Variants in KLRD1 observed in about 807,000 individuals in gnomAD.
KLRD1 encodes the protein killer cell lectin like receptor D1.
In KLRD1, 21 loss-of-function variants were observed where a neutral mutation model predicts 22.6. The observed-to-expected ratio is 0.93, with a 90% CI of 0.66 to 1.34. The LOEUF is 1.34. Among genes scored for constraint, KLRD1 ranks in the 40% most tolerant of loss-of-function variants. The probability of loss-of-function intolerance (pLI) is 0.00; values close to 1 mark genes in which losing one functional copy is unlikely to be tolerated. For missense variants in KLRD1, 183 were observed against 208.6 expected (o/e 0.88, Z 0.76); for synonymous variants, 59 against 71.1 (o/e 0.83, Z 0.85).
intron 1 of KLRD1, among the ~76,000 whole-genome samples, chr12:10,259,278 C>T (rs1050803960): frequency 1.3e-5 from 2 of 152,144 alleles, no homozygotes; most frequent in East Asian, 1.9e-4. Context: ...TACTCCATCA[C>T]ATTATTGTTG....
chr12:10,295,329 C>T (rs906228211), intron 1 of KLRD1, among the ~76,000 whole-genome samples: 2 of 151,902 alleles, frequency 1.3e-5, no homozygotes, highest in Non-Finnish European at 2.9e-5. Context: ...TTGTCTCTGT[C>T]TCCCTTGTGA....
intron 1 of KLRD1, among the ~76,000 whole-genome samples, chr12:10,294,027 C>T (rs1349598779): frequency 2.6e-5 from 4 of 152,206 alleles, no homozygotes; most frequent in African/African-American, 9.7e-5. Context: ...GATTCTGCCT[C>T]TCCTACTTAA....
intron 1 of KLRD1, among the ~76,000 whole-genome samples, chr12:10,262,537 C>T (rs904093000): frequency 5.9e-5 from 9 of 152,066 alleles, no homozygotes; most frequent in Non-Finnish European, 1.3e-4. Context: ...TTACCTAATA[C>T]ATATTTACAT....
chr12:10,256,595 A>G (rs1277317513), intron 1 of KLRD1, among the ~76,000 whole-genome samples: 1 of 151,820 alleles, frequency 6.6e-6, no homozygotes, highest in Non-Finnish European at 1.5e-5. Context: ...CTCTACTCCT[A>G]CACAGCTCCA....
intron 1 of KLRD1, among the ~76,000 whole-genome samples, chr12:10,279,307 G>T (rs559402958): frequency 1.3e-5 from 2 of 152,122 alleles, no homozygotes; most frequent in Non-Finnish European, 2.9e-5. Flanking sequence ...CATCCATGTT[G>T]CTGCAAAAGA....
At chr12:10,309,971 A>C (rs1459952394) in intron 3 of KLRD1, among the ~76,000 whole-genome samples, 1 of 152,240 alleles carries the variant, frequency 6.6e-6, no homozygotes. Flanking sequence ...AAAATAAACC[A>C]CAGGAAATGT....
intron 1 of KLRD1, among the ~76,000 whole-genome samples, chr12:10,283,411 T>A (rs1949665766): frequency 6.6e-6 from 1 of 152,214 alleles, no homozygotes; most frequent in East Asian, 1.9e-4. Context: ...GTTTTAGTAA[T>A]GCAAAATGAG....
At chr12:10,307,862 TG>T (rs1949958678), upstream of KLRD1, 1 of 538,358 alleles carries the variant, frequency 1.9e-6, no homozygotes, top group Admixed American at 3.2e-5. Context: ...GTGATTCTAC[TG>T]CTTCTTATTC....
At chr12:10,240,251 G>A (rs1949228258) in intron 1 of KLRD1, among the ~76,000 whole-genome samples, 1 of 151,964 alleles carries the variant, frequency 6.6e-6, no homozygotes, top group Admixed American at 6.6e-5. Context: ...TGTAGACACA[G>A]GGTTTTGCCA....
At chr12:10,295,469 A>C (rs1372861549) in intron 1 of KLRD1, among the ~76,000 whole-genome samples, 1 of 151,686 alleles carries the variant, frequency 6.6e-6, no homozygotes, top group Non-Finnish European at 1.5e-5. Flanking sequence ...GAGAGTAGAG[A>C]GAAGTCAATA....
chr12:10,312,041 C>A (rs1488790391), intron 4 of KLRD1, among the ~76,000 whole-genome samples: 1 of 135,062 alleles, frequency 7.4e-6, no homozygotes, highest in East Asian at 2.1e-4. Context: ...GTACCCAATT[C>A]TTTTCTTTTC....
chr12:10,257,517 A>G, intron 1 of KLRD1, among the ~76,000 whole-genome samples: 1 of 97,152 alleles, frequency 1.0e-5, no homozygotes, highest in East Asian at 3.2e-4. Flanking sequence ...GTAACAGTAT[A>G]TTTTTCAGTT....
chr12:10,284,648 A>G (rs759147725), intron 1 of KLRD1, among the ~76,000 whole-genome samples: 14 of 152,228 alleles, frequency 9.2e-5, no homozygotes, highest in Non-Finnish European at 1.8e-4. Flanking sequence ...AAAAACTAAT[A>G]AATTTTAAAG....
chr12:10,252,508 AAAC>A (rs1949354933), intron 1 of KLRD1, among the ~76,000 whole-genome samples: 1 of 152,056 alleles, frequency 6.6e-6, no homozygotes, highest in South Asian at 2.1e-4. Context: ...TGTCTCCAAA[AAAC>A]AAACAAACAA....
chr12:10,256,910 A>AT (rs949150124), intron 1 of KLRD1, among the ~76,000 whole-genome samples: 3 of 151,668 alleles, frequency 2.0e-5, no homozygotes, highest in Admixed American at 6.6e-5. Context: ...ACTGCCTCAG[A>AT]TTTTTTTTAT....
upstream of KLRD1, among the ~76,000 whole-genome samples, chr12:10,300,141 A>G (rs1949854963): frequency 6.6e-6 from 1 of 152,204 alleles, no homozygotes; most frequent in Admixed American, 6.5e-5. Context: ...TCCTTCCATG[A>G]ATCATGAAAG....
chr12:10,274,177 G>A (rs1949572818), intron 1 of KLRD1, among the ~76,000 whole-genome samples: 1 of 152,130 alleles, frequency 6.6e-6, no homozygotes, highest in Non-Finnish European at 1.5e-5. Context: ...CTACTCAGGA[G>A]GCTGAGGCAG....
chr12:10,249,003 C>T (rs1174153874), intron 1 of KLRD1, among the ~76,000 whole-genome samples: 3 of 152,130 alleles, frequency 2.0e-5, no homozygotes, highest in African/African-American at 7.2e-5. Context: ...TTAACATGTT[C>T]ACACTTGAAA....
intron 1 of KLRD1, among the ~76,000 whole-genome samples, chr12:10,258,689 A>G (rs1177152512): frequency 1.3e-5 from 2 of 152,212 alleles, no homozygotes; most frequent in Non-Finnish European, 2.9e-5. Context: ...TATATGTCTC[A>G]GGGGGAGGAA....
Sources: allele counts gnomAD v4.1 joint callset (sites outside exome capture counted in the v4.1 genomes callset), GRCh38; gene constraint gnomAD v4.1.1; transcripts MANE v1.5; gene names NCBI Gene and HGNC (gene_info 2026-07-23, HGNC 2026-07-21).